The following ENTREP2 variants were observed in gnomAD, a reference collection of about 807,000 sequenced individuals.
The protein encoded by ENTREP2 is endosomal transmembrane epsin interactor 2.
the ENTREP2 span, among the ~76,000 whole-genome samples, chr15:29,422,561 T>A: frequency 1.3e-5 from 2 of 152,190 alleles, no homozygotes; most frequent in Non-Finnish European, 2.9e-5. Context: ...AAGACAACTA[T>A]CCCAGTGGCT....
chr15:29,312,180 T>G, the ENTREP2 span, among the ~76,000 whole-genome samples: 10 of 152,216 alleles, frequency 6.6e-5, no homozygotes, highest in Admixed American at 6.5e-4. Context: ...TCTTTAACAC[T>G]GGGTCTGAAG....
the ENTREP2 span, chr15:29,118,072 T>TGTA: frequency 6.6e-6 from 1 of 152,600 alleles, no homozygotes; most frequent in Non-Finnish European, 1.5e-5. Context: ...GTGGCATGTG[T>TGTA]GTAGATCAAG....
the ENTREP2 span, among the ~76,000 whole-genome samples, chr15:29,465,143 C>T: frequency 6.6e-6 from 1 of 151,974 alleles, no homozygotes; most frequent in African/African-American, 2.4e-5. Context: ...ATAACCCCCA[C>T]TCAGCACTGG....
chr15:29,562,211 G>A, the ENTREP2 span, among the ~76,000 whole-genome samples: 16 of 152,328 alleles, frequency 1.1e-4, no homozygotes, highest in South Asian at 3.3e-3. Context: ...CATGTTCCTG[G>A]GTAGGACCCT....
the ENTREP2 span, chr15:29,570,750 C>G: frequency 1.1e-6 from 1 of 913,864 alleles, no homozygotes; most frequent in East Asian, 1.4e-4. Context: ...ACGCCTCGCC[C>G]GCTCCCGCCC....
the ENTREP2 span, among the ~76,000 whole-genome samples, chr15:29,350,149 T>G: frequency 6.6e-6 from 1 of 152,124 alleles, no homozygotes; most frequent in Non-Finnish European, 1.5e-5. Context: ...CTAAACTTGG[T>G]GTCTATTAAG....
the ENTREP2 span, among the ~76,000 whole-genome samples, chr15:29,320,407 A>G: frequency 4.7e-4 from 72 of 152,226 alleles, no homozygotes; most frequent in Non-Finnish European, 9.3e-4. Flanking sequence ...CCATATTAAT[A>G]TAAAACCTCA....
chr15:29,136,460 A>G, the ENTREP2 span: 1 of 1,547,930 alleles, frequency 6.5e-7, no homozygotes, highest in East Asian at 2.5e-5. Context: ...CACGTCATAC[A>G]AAGTGCCGAA....
At chr15:29,431,687 G>C in the ENTREP2 span, among the ~76,000 whole-genome samples, 1 of 152,056 alleles carries the variant, frequency 6.6e-6, no homozygotes, top group Non-Finnish European at 1.5e-5. Context: ...TGCAAGCACA[G>C]AACATAGAGA....
At chr15:29,463,262 C>G in the ENTREP2 span, among the ~76,000 whole-genome samples, 1 of 152,146 alleles carries the variant, frequency 6.6e-6, no homozygotes, top group Non-Finnish European at 1.5e-5. Flanking sequence ...GCACTTCCAC[C>G]TGTCTCATGA....
At chr15:29,318,522 G>C in the ENTREP2 span, among the ~76,000 whole-genome samples, 1 of 151,962 alleles carries the variant, frequency 6.6e-6, no homozygotes, top group Non-Finnish European at 1.5e-5. Context: ...GGGTTTCACC[G>C]TGTTAGCCAG....
the ENTREP2 span, among the ~76,000 whole-genome samples, chr15:29,372,062 A>G: frequency 2.0e-5 from 3 of 152,194 alleles, no homozygotes; most frequent in Non-Finnish European, 4.4e-5. Flanking sequence ...GTCTGTGATA[A>G]ACAAGTATGA....
At chr15:29,345,021 C>T in the ENTREP2 span, among the ~76,000 whole-genome samples, 1 of 151,070 alleles carries the variant, frequency 6.6e-6, no homozygotes, top group African/African-American at 2.4e-5. Context: ...AGGTTGTTTC[C>T]CTTTGCCAAG....
chr15:29,651,623 G>C, the ENTREP2 span, among the ~76,000 whole-genome samples: 2 of 152,214 alleles, frequency 1.3e-5, no homozygotes, highest in African/African-American at 2.4e-5. Flanking sequence ...CTGCTCTGCT[G>C]CCTGGCCTCT....
chr15:29,503,980 G>C, the ENTREP2 span, among the ~76,000 whole-genome samples: 1 of 152,086 alleles, frequency 6.6e-6, no homozygotes, highest in Non-Finnish European at 1.5e-5. Context: ...TCCTCCACTG[G>C]AGATACCTTT....
the ENTREP2 span, among the ~76,000 whole-genome samples, chr15:29,299,093 C>G: frequency 1.3e-5 from 2 of 152,178 alleles, no homozygotes; most frequent in Non-Finnish European, 2.9e-5. Context: ...GAAGCTTGGT[C>G]TATCCATAAC....
chr15:29,439,323 ACACAC>A, the ENTREP2 span, among the ~76,000 whole-genome samples: 1 of 149,986 alleles, frequency 6.7e-6, no homozygotes, highest in Admixed American at 6.7e-5. Context: ...ACACACACAC[ACACAC>A]ACACAAACAG....
At chr15:29,247,724 T>G in the ENTREP2 span, among the ~76,000 whole-genome samples, 1 of 131,712 alleles carries the variant, frequency 7.6e-6, no homozygotes, top group Non-Finnish European at 1.7e-5. Context: ...CCAACTTTGT[T>G]TCCGGTATGT....
At chr15:29,511,339 CT>C in the ENTREP2 span, among the ~76,000 whole-genome samples, 1 of 93,464 alleles carries the variant, frequency 1.1e-5, no homozygotes, top group Non-Finnish European at 2.2e-5. Flanking sequence ...CTTCTTTTTT[CT>C]TTTCTTTTTT....
Sources: allele counts gnomAD v4.1 joint callset (sites outside exome capture counted in the v4.1 genomes callset), GRCh38; gene constraint gnomAD v4.1.1; transcripts MANE v1.5; gene names NCBI Gene and HGNC (gene_info 2026-07-23, HGNC 2026-07-21).